Variants in DAP3 observed in about 807,000 individuals in gnomAD.
The protein encoded by DAP3 is death associated protein 3, also known as small ribosomal subunit protein mS29.
In DAP3, 28 loss-of-function variants were observed where a neutral mutation model predicts 51.9. The observed-to-expected ratio is 0.54, with a 90% CI of 0.40 to 0.74. The LOEUF (loss-of-function observed/expected upper bound fraction) is 0.74, where lower values mean the gene tolerates loss of function less well. Among genes scored for constraint, DAP3 ranks in the 30% least tolerant of loss-of-function variants. The pLI is 0.00. For synonymous variants in DAP3, 170 were observed against 170.3 expected, an observed-to-expected ratio of 1.00 and a Z score of 0.01; for missense variants, 458 against 483.5, an observed-to-expected ratio of 0.95 and a Z score of 0.49.
Position 155,689,098 on chromosome 1 carries a change from C to G in DAP3, c.-84C>G, listed in dbSNP as rs1267440696. 21 of 1,358,376 alleles carry G rather than the reference C, an allele frequency of 1.5e-5. No homozygotes were observed. 84.1% of individuals were successfully genotyped at this position (1,358,376 alleles called of 1,614,324 possible). A position where few individuals can be genotyped will look rare whatever the true frequency, so the allele number is the denominator to read the frequency against. ...ATGACCCGACCCTTTTTTGCAGTCT[C>G]AGGACGGGCGCTTTGGAGCCGGCCC... On this transcript the variant is annotated 5_prime_UTR_variant, in exon 1 of 13. Coordinates refer to ENST00000368336, the MANE Select transcript of DAP3 (RefSeq NM_004632.4).
chr1:155,699,725 C>T (rs1448921312), intron 1 of DAP3, among the ~76,000 whole-genome samples: 1 of 149,800 alleles, frequency 6.7e-6, no homozygotes, highest in Non-Finnish European at 1.5e-5. Context: ...GTGATCCTCC[C>T]ACTTTAGCCT....
rs147154091 is a variant in DAP3 at position 155,728,751 on chromosome 1, T to C, written c.604-291T>C. On this transcript the variant is annotated intron_variant, in intron 7 of 12. Coordinates refer to ENST00000368336, the MANE Select transcript of DAP3 (RefSeq NM_004632.4). Reference sequence around the variant, plus strand: ...GACACACGCCTGAAATCCCAGCTACTTGGGAGGCTGAGGCAAGAGAATCCC... The same window carrying C: ...GACACACGCCTGAAATCCCAGCTACCTGGGAGGCTGAGGCAAGAGAATCCC... Among the ~76,000 whole-genome samples the C allele has an allele frequency of 3.1e-3, 471 of 151,984 alleles. 3 individuals are homozygous for C. Among genetic ancestry groups the C allele is most frequent in the African/African-American group, 0.011 (454 of 41,472 alleles).
At chr1:155,733,552 T>G (rs1659456996) in intron 11 of DAP3, among the ~76,000 whole-genome samples, 1 of 152,172 alleles carries the variant, frequency 6.6e-6, no homozygotes. Flanking sequence ...AAAAATTCCT[T>G]CATTGGCCGG....
intron 1 of DAP3, among the ~76,000 whole-genome samples, chr1:155,693,319 T>TA (rs1558331651): frequency 2.1e-5 from 3 of 142,042 alleles, no homozygotes; most frequent in Admixed American, 6.6e-5. Flanking sequence ...AGAAAACTGA[T>TA]ACACAAATTG....
intron 2 of DAP3, among the ~76,000 whole-genome samples, chr1:155,716,437 G>T (rs974180785): frequency 6.6e-6 from 1 of 152,060 alleles, no homozygotes; most frequent in Admixed American, 6.6e-5. Flanking sequence ...GCCAGGCGTG[G>T]TGGCGGGTGC....
In DAP3 at chr1:155,731,329, T is replaced by C. The variant is rs367919721; in HGVS notation, c.844-27T>C. ...CATCTAGGAAAGGCACGTGATGATCTCTTCTCTCTTTCTGTCCGATATGCA... is the reference window on the plus strand; with the variant it reads ...CATCTAGGAAAGGCACGTGATGATCCCTTCTCTCTTTCTGTCCGATATGCA... On this transcript the variant is annotated intron_variant, in intron 9 of 12. Transcript: ENST00000368336. The C allele has an allele frequency of 1.2e-5, 20 of 1,610,288 alleles. No homozygotes were observed. In the African/African-American group the frequency reaches 2.7e-4, roughly 22 times the overall value.
Position 155,731,937 on chromosome 1 carries a change from C to T in DAP3, c.904-7C>T. 1 of 1,598,726 alleles carries T rather than the reference C, an allele frequency of 6.3e-7. No homozygotes were observed. Among genetic ancestry groups the T allele is most frequent in the Non-Finnish European group, 8.5e-7 (1 of 1,174,548 alleles). ...TTTCCAGTTCAGCCTTTTCTCTTTT[C>T]TTTCAGCATGGAGGCGCCATTGTGT... On this transcript the variant is annotated splice_region_variant and splice_polypyrimidine_tract_variant and intron_variant, in intron 10 of 12. Coordinates refer to ENST00000368336, the MANE Select transcript of DAP3 (RefSeq NM_004632.4).
chr1:155,697,492 G>T (rs957347826), intron 1 of DAP3, among the ~76,000 whole-genome samples: 13 of 151,986 alleles, frequency 8.6e-5, no homozygotes, highest in Admixed American at 3.9e-4. Flanking sequence ...GGTCTCCGGG[G>T]GTGACATCAC....
chr1:155,693,202 C>T (rs1282737607), intron 1 of DAP3, among the ~76,000 whole-genome samples: 1 of 141,508 alleles, frequency 7.1e-6, no homozygotes, highest in Non-Finnish European at 1.5e-5. Context: ...GAAAAGGTGA[C>T]AGTTTTGACA....
intron 1 of DAP3, among the ~76,000 whole-genome samples, chr1:155,700,665 C>A: frequency 7.2e-6 from 1 of 139,386 alleles, no homozygotes; most frequent in Non-Finnish European, 1.6e-5. Context: ...CCCCTCAGCC[C>A]GGCCAGCCAC....
intron 1 of DAP3, among the ~76,000 whole-genome samples, chr1:155,695,210 G>A (rs779413872): frequency 2.0e-5 from 3 of 152,180 alleles, no homozygotes; most frequent in Non-Finnish European, 2.9e-5. Context: ...GGCTGGTTTG[G>A]CAAGTAGACC....
intron 1 of DAP3, among the ~76,000 whole-genome samples, chr1:155,703,315 T>C (rs1204032150): frequency 6.6e-6 from 1 of 152,206 alleles, no homozygotes; most frequent in Non-Finnish European, 1.5e-5. Flanking sequence ...AAGTCATATC[T>C]TACATGGTGG....
chr1:155,709,363 C>T (rs1375127122), intron 1 of DAP3, among the ~76,000 whole-genome samples: 2 of 152,102 alleles, frequency 1.3e-5, no homozygotes, highest in South Asian at 4.1e-4. Flanking sequence ...TGAGGCCAGT[C>T]TTGAACTCCT....
At chr1:155,734,952 T>C (rs1659603721) in intron 11 of DAP3, among the ~76,000 whole-genome samples, 1 of 152,048 alleles carries the variant, frequency 6.6e-6, no homozygotes, top group Non-Finnish European at 1.5e-5. Flanking sequence ...CTAGAATATA[T>C]GAAAAGTAGT....
chr1:155,731,242 G>A, intron 9 of DAP3, 114 bp from the exon 10 acceptor site: 1 of 1,016,440 alleles, frequency 9.8e-7, no homozygotes, highest in African/African-American at 1.6e-5. Context: ...ACTCCAGCCT[G>A]GGCGACAGAG....
At chr1:155,695,779 G>A (rs1192612201) in intron 1 of DAP3, among the ~76,000 whole-genome samples, 2 of 152,136 alleles carry the variant, frequency 1.3e-5, no homozygotes, top group African/African-American at 2.4e-5. Context: ...TTTGGACTGA[G>A]GAAGAGTTAG....
intron 1 of DAP3, among the ~76,000 whole-genome samples, chr1:155,698,950 C>T (rs569990079): frequency 1.1e-4 from 17 of 152,280 alleles, no homozygotes; most frequent in African/African-American, 4.1e-4. Flanking sequence ...TCACTGGATT[C>T]TTTCGGGCCT....
intron 3 of DAP3, among the ~76,000 whole-genome samples, chr1:155,718,218 T>G (rs1657545043): frequency 6.6e-6 from 1 of 151,640 alleles, no homozygotes; most frequent in African/African-American, 2.4e-5. Flanking sequence ...AAAGCCTGTC[T>G]CTACTAAAAA....
At chr1:155,705,376 C>T (rs1373110118) in intron 1 of DAP3, among the ~76,000 whole-genome samples, 3 of 151,630 alleles carry the variant, frequency 2.0e-5, no homozygotes, top group African/African-American at 7.3e-5. Flanking sequence ...GCAGGAGGAT[C>T]ACTTGAGCCC....
Sources: gnomAD v4.1 joint callset for allele counts (sites outside exome capture counted in the v4.1 genomes callset) on GRCh38, gnomAD v4.1.1 for gene constraint, MANE v1.5 for transcripts, NCBI Gene and HGNC (gene_info 2026-07-23, HGNC 2026-07-21) for gene names.